Variants in CHRM3 observed in about 807,000 individuals in gnomAD.
CHRM3 encodes muscarinic acetylcholine receptor M3.
CHRM3 carries 11 observed loss-of-function variants against 41.8 expected under a neutral mutation model. The ratio of observed to expected loss-of-function variants is 0.26; its 90% confidence interval spans 0.17 to 0.44. CHRM3 has a LOEUF of 0.44. CHRM3 is among the 20% of genes least tolerant of loss of function. CHRM3 has a pLI of 1.00. For synonymous variants in CHRM3, 297 were observed against 301.4 expected, an observed-to-expected ratio of 0.99 and a Z score of 0.15; for missense variants, 571 against 745.4, an observed-to-expected ratio of 0.77 and a Z score of 2.72.
chr1:239,894,174 C>T (rs1678785754), intron 6 of CHRM3, among the ~76,000 whole-genome samples: 2 of 152,050 alleles, frequency 1.3e-5, no homozygotes, highest in South Asian at 2.1e-4. Flanking sequence ...GTTGGAGAGT[C>T]TAAGACAGAT....
chr1:239,859,803 A>G (rs1675460777), intron 6 of CHRM3, among the ~76,000 whole-genome samples: 1 of 137,910 alleles, frequency 7.3e-6, no homozygotes, highest in Non-Finnish European at 1.6e-5. Context: ...TAAATTATAT[A>G]TAAGTTCTAA....
intron 6 of CHRM3, among the ~76,000 whole-genome samples, chr1:239,828,486 C>G (rs533237346): frequency 6.6e-6 from 1 of 152,142 alleles, no homozygotes; most frequent in Non-Finnish European, 1.5e-5. Flanking sequence ...AATAAGATGG[C>G]TTCTATAGCG....
intron 3 of CHRM3, among the ~76,000 whole-genome samples, chr1:239,607,551 TA>T (rs964256689): frequency 8.6e-5 from 13 of 150,940 alleles, no homozygotes; most frequent in East Asian, 1.9e-4. Flanking sequence ...GTTTGCAAGT[TA>T]AAAAAAAATA....
intron 1 of CHRM3, among the ~76,000 whole-genome samples, chr1:239,473,893 G>T (rs753727614): frequency 2.0e-5 from 3 of 151,798 alleles, no homozygotes; most frequent in Non-Finnish European, 4.4e-5. Context: ...CCTGAGAAAG[G>T]TAAATATAAA....
At chr1:239,432,262 T>G (rs556631324) in intron 1 of CHRM3, among the ~76,000 whole-genome samples, 1 of 152,288 alleles carries the variant, frequency 6.6e-6, no homozygotes, top group African/African-American at 2.4e-5. Context: ...TATAAACATT[T>G]AAAAATAATT....
intron 4 of CHRM3, among the ~76,000 whole-genome samples, chr1:239,664,608 G>A (rs1017088612): frequency 6.6e-6 from 1 of 152,066 alleles, no homozygotes; most frequent in Non-Finnish European, 1.5e-5. Context: ...TACGAAGACT[G>A]TGAGTCCCCT....
rs954663646 is a variant in CHRM3, at chr1:239,387,439, G to T, written c.-521+212G>T. Among the ~76,000 whole-genome samples the T allele has an allele frequency of 6.6e-6, 1 of 152,086 alleles. No individual in the cohort carries two copies. The highest frequency in any genetic ancestry group is 2.4e-5 in the African/African-American group (1 of 41,426). On this transcript the variant is annotated intron_variant, in intron 1 of 6. Coordinates refer to ENST00000676153, the MANE Select transcript of CHRM3 (RefSeq NM_001375978.1). This position sits in a 1 kb window ranked among gnomAD's most constrained non-coding sequence, Gnocchi z 5.1. ...GGGGGCACTTGAATTCCGACAGCGC[G>T]ATCTGGTGCGGAGTTGGAGTTCTGG... is the stretch of plus-strand genomic sequence containing the variant.
chr1:239,742,389 C>A (rs74765817), intron 5 of CHRM3, among the ~76,000 whole-genome samples: 2,937 of 152,200 alleles, frequency 0.019, 33 homozygotes, highest in Non-Finnish European at 0.029. Flanking sequence ...GAGGTTCAAC[C>A]GGAGCCAGAT....
rs1396253623 is a variant in CHRM3 at position 239,912,588 on chromosome 1, A to G, written c.*3364A>G. On this transcript the variant is annotated 3_prime_UTR_variant, in exon 7 of 7. Coordinates refer to ENST00000676153, the MANE Select transcript of CHRM3 (RefSeq NM_001375978.1). ...GAAGCCCCTTCATGTATCGAGAGAGAAGCTGGAGCACAGAGCTCTGATGCA... is the reference window on the plus strand; with the variant it reads ...GAAGCCCCTTCATGTATCGAGAGAGGAGCTGGAGCACAGAGCTCTGATGCA... The G allele has an allele frequency of 6.0e-6, 1 of 167,080 alleles. No individual in the cohort carries two copies. Among genetic ancestry groups the G allele is most frequent in the Non-Finnish European group, 1.5e-5 (1 of 68,132 alleles). 10.3% of individuals were successfully genotyped at this position (167,080 alleles called of 1,614,324 possible). A position where few individuals can be genotyped will look rare whatever the true frequency, so the allele number is the denominator to read the frequency against.
intron 3 of CHRM3, among the ~76,000 whole-genome samples, chr1:239,553,572 G>C (rs571519051): frequency 1.1e-4 from 17 of 152,046 alleles, no homozygotes; most frequent in South Asian, 2.1e-4. Flanking sequence ...TGTAAATGCC[G>C]TGAAATCAAT....
intron 1 of CHRM3, among the ~76,000 whole-genome samples, chr1:239,455,287 G>A (rs1053378430): frequency 2.6e-5 from 4 of 151,876 alleles, no homozygotes; most frequent in Admixed American, 6.6e-5. Flanking sequence ...CCAACCTCAG[G>A]TGATCTACCC....
intron 1 of CHRM3, among the ~76,000 whole-genome samples, chr1:239,419,935 T>C (rs905233329): frequency 2.6e-5 from 4 of 152,166 alleles, no homozygotes; most frequent in African/African-American, 9.6e-5. Flanking sequence ...GACTGATCGT[T>C]TCCCTGCCCC....
intron 4 of CHRM3, among the ~76,000 whole-genome samples, chr1:239,638,887 A>G (rs1430457452): frequency 6.6e-6 from 1 of 152,100 alleles, no homozygotes; most frequent in Non-Finnish European, 1.5e-5. Flanking sequence ...TAGGGTTTTT[A>G]TGGTTTTAGG....
chr1:239,837,443 G>A (rs1673422084), intron 6 of CHRM3, among the ~76,000 whole-genome samples: 1 of 152,164 alleles, frequency 6.6e-6, no homozygotes, highest in African/African-American at 2.4e-5. Context: ...CAGGGATCAG[G>A]TACAAGTCCT....
chr1:239,750,348 C>T (rs565474684), intron 5 of CHRM3, among the ~76,000 whole-genome samples: 1 of 152,302 alleles, frequency 6.6e-6, no homozygotes, highest in African/African-American at 2.4e-5. Flanking sequence ...TGAATGAATG[C>T]TCTAGGCTGT....
At chr1:239,739,690 T>C (rs1189576200) in intron 5 of CHRM3, among the ~76,000 whole-genome samples, 2 of 152,186 alleles carry the variant, frequency 1.3e-5, no homozygotes, top group East Asian at 3.9e-4. Context: ...AATGTTTTGC[T>C]AGTTTTAAAA....
chr1:239,813,932 A>C (rs983838785), intron 5 of CHRM3, among the ~76,000 whole-genome samples: 2 of 149,854 alleles, frequency 1.3e-5, no homozygotes, highest in African/African-American at 5.0e-5. Flanking sequence ...AAAAAAAAAA[A>C]AACTCACAGT....
chr1:239,908,215 A>T lies in CHRM3; in HGVS notation c.764A>T (p.Tyr255Phe). ...TIMTILYWRI[Y>F]KETEKRTKEL... Reference sequence around the variant, plus strand: ...ATGACTATTTTATACTGGAGGATCTATAAGGAAACTGAAAAGCGTACCAAA... The same window carrying T: ...ATGACTATTTTATACTGGAGGATCTTTAAGGAAACTGAAAAGCGTACCAAA... The change falls in exon 7 of 7, where the codon TAT becomes TTT. Residue 255 changes from tyrosine to phenylalanine, a missense_variant. Coordinates refer to ENST00000676153, the MANE Select transcript of CHRM3 (RefSeq NM_001375978.1). This position sits in a 1 kb window ranked among gnomAD's most constrained non-coding sequence, Gnocchi z 7.2. 2 of 1,614,148 alleles carry T rather than the reference A, an allele frequency of 1.2e-6. No individual in the cohort carries two copies. The highest frequency in any genetic ancestry group is 1.7e-6 in the Non-Finnish European group (2 of 1,180,034).
intron 2 of CHRM3, among the ~76,000 whole-genome samples, chr1:239,544,503 A>G (rs1262274568): frequency 6.6e-6 from 1 of 152,204 alleles, no homozygotes; most frequent in Non-Finnish European, 1.5e-5. Context: ...TTTGAACTTC[A>G]TTCAAATGAT....
Sources: gnomAD v4.1 joint callset for allele counts (sites outside exome capture counted in the v4.1 genomes callset) on GRCh38, gnomAD v4.1.1 for gene constraint, Gnocchi (gnomAD v3.1) non-coding constraint, MANE v1.5 for transcripts, NCBI Gene and HGNC (gene_info 2026-07-23, HGNC 2026-07-21) for gene names.